SLC52A3: variants seen among roughly 807,000 people sequenced by gnomAD.
SLC52A3 encodes solute carrier family 52 member 3.
SLC52A3 carries 20 observed loss-of-function variants against 29.5 expected under a neutral mutation model. The ratio of observed to expected loss-of-function variants is 0.68; its 90% confidence interval spans 0.48 to 0.99. The LOEUF is 0.99. Ranked by LOEUF, SLC52A3 falls within the 50% of genes least tolerant of loss-of-function variation. The probability of loss-of-function intolerance (pLI) is 0.00; values close to 1 mark genes in which losing one functional copy is unlikely to be tolerated. For missense variants in SLC52A3, 548 were observed against 612.9 expected, an observed-to-expected ratio of 0.89 and a Z score of 1.12; for synonymous variants, 301 against 271.0, an observed-to-expected ratio of 1.11 and a Z score of -1.09.
chr20:764,072 G>A, intron 2 of SLC52A3, 69 bp from the exon 3 acceptor site: 2 of 1,382,806 alleles, frequency 1.4e-6, no homozygotes. Context: ...TCATGACAGT[G>A]ATAACAGAAT....
intron 1 of SLC52A3, among the ~76,000 whole-genome samples, chr20:767,572 G>T (rs13042112): frequency 0.079 from 11,971 of 152,078 alleles, 629 homozygotes; most frequent in Non-Finnish European, 0.12. Flanking sequence ...AGCCAGGATG[G>T]TCTCAATCTC....
At chr20:771,296 G>A (rs1458351650), upstream of SLC52A3, among the ~76,000 whole-genome samples, 3 of 152,078 alleles carry the variant, frequency 2.0e-5, no homozygotes, top group Admixed American at 6.6e-5. Context: ...GTATGGTGGT[G>A]GGCACCTGTA....
At chr20:766,805 T>C (rs1283801657) in intron 1 of SLC52A3, among the ~76,000 whole-genome samples, 2 of 152,150 alleles carry the variant, frequency 1.3e-5, no homozygotes, top group East Asian at 1.9e-4. Context: ...ATTCCTAATA[T>C]ATAAAGAGTT....
chr20:771,649 C>A (rs1311692754), upstream of SLC52A3, among the ~76,000 whole-genome samples: 12 of 114,478 alleles, frequency 1.0e-4, no homozygotes, highest in African/African-American at 3.2e-4. Context: ...CCCTTGGGGG[C>A]AAATGTCTTG....
rs1986758145 is a variant in SLC52A3 at position 768,465 on chromosome 20, A to G, written c.-220T>C. 1 of 152,002 alleles carries G rather than the reference A, an allele frequency of 6.6e-6. No homozygotes were observed. The highest frequency in any genetic ancestry group is 1.5e-5 in the Non-Finnish European group (1 of 67,998). The allele number at this position is 152,002 out of a possible 1,614,324, so 9.4% of individuals were successfully genotyped here. A position where few individuals can be genotyped will look rare whatever the true frequency, so the allele number is the denominator to read the frequency against. Reference sequence around the variant, plus strand: ...TCCTCAGTTCACGCTGCAGTCTTTAACTCCATACTTCTTCCTTCTAGTACA... The same window carrying G: ...TCCTCAGTTCACGCTGCAGTCTTTAGCTCCATACTTCTTCCTTCTAGTACA... On this transcript the variant is annotated 5_prime_UTR_variant, in exon 1 of 5. Transcript: ENST00000645534.
Position 763,761 on chromosome 20 carries a change from CT to C in SLC52A3, c.809del (p.Glu270GlyfsTer19). The C allele has an allele frequency of 6.2e-7, 1 of 1,614,194 alleles. No homozygotes were observed. Among genetic ancestry groups the C allele is most frequent in the Non-Finnish European group, 8.5e-7 (1 of 1,180,020 alleles). ...CCGTGCCTGCAGGGCCCAAGTCATT[CT>C]CTTCCCGCGGCCGGATGGAGTGGAG... ...VTLHSIRPRE[E>X]NDLGPAGTVD... On this transcript the variant is annotated frameshift_variant, in exon 3 of 5. Transcript: ENST00000645534. LOFTEE classifies it high-confidence loss of function.
At chr20:771,496 A>G (rs1792941828), upstream of SLC52A3, among the ~76,000 whole-genome samples, 1 of 152,192 alleles carries the variant, frequency 6.6e-6, no homozygotes, top group Admixed American at 6.6e-5. Flanking sequence ...ACATTCCAGG[A>G]TATATATTGA....
At chr20:777,274 A>AAC (rs1555785022), upstream of SLC52A3, among the ~76,000 whole-genome samples, 2 of 147,584 alleles carry the variant, frequency 1.4e-5, no homozygotes, top group African/African-American at 5.0e-5. Context: ...ACAAAAAACA[A>AAC]AAAAAAAACA....
At chr20:777,160 C>T (rs1029830889), upstream of SLC52A3, among the ~76,000 whole-genome samples, 13 of 151,806 alleles carry the variant, frequency 8.6e-5, no homozygotes, top group Non-Finnish European at 1.9e-4. Context: ...TGCTTGAGCC[C>T]GGGAGGCGGA....
chr20:765,372 T>C lies in SLC52A3; in HGVS notation c.403A>G (p.Thr135Ala), dbSNP rs527853872. The C allele has an allele frequency of 1.3e-4, 202 of 1,613,644 alleles. No homozygotes were observed. Among genetic ancestry groups the C allele is most frequent in the Non-Finnish European group, 1.6e-4 (187 of 1,179,974 alleles). The change falls in exon 2 of 5, where the codon ACC becomes GCC. Residue 135 changes from threonine (T) to alanine (A), a missense_variant. Transcript: ENST00000645534. The surrounding 1 kb of genome is among the most constrained non-coding windows in gnomAD (Gnocchi z 6.6). ...TFLPFMSRLP[T>A]YYLTTFFVGE... is the part of the protein sequence containing the mutation. Reference sequence around the variant, plus strand: ...ACAAAGAAGGTGGTGAGGTAGTAGGTGGGCAGCCGGCTCATGAACGGCAGG... The same window carrying C: ...ACAAAGAAGGTGGTGAGGTAGTAGGCGGGCAGCCGGCTCATGAACGGCAGG...
Position 761,243 on chromosome 20 carries a change from G to A in SLC52A3, c.1198-5C>T, listed in dbSNP as rs1173571337. On this transcript the variant is annotated splice_polypyrimidine_tract_variant and splice_region_variant and intron_variant, in intron 4 of 4. Transcript: ENST00000645534. Reference sequence around the variant, plus strand: ...GAAAAGCACCCACGAGGCCACCTGCGGGGCCGGGAGGGAAGAGGTGCAGAG... The same window carrying A: ...GAAAAGCACCCACGAGGCCACCTGCAGGGCCGGGAGGGAAGAGGTGCAGAG... 6.5e-7 allele frequency: 1 copy of A among 1,544,902 alleles called. No individual in the cohort carries two copies. Among genetic ancestry groups the A allele is most frequent in the Non-Finnish European group, 8.7e-7 (1 of 1,144,566 alleles).
chr20:773,183 A>G (rs1316528254), upstream of SLC52A3, among the ~76,000 whole-genome samples: 1 of 152,182 alleles, frequency 6.6e-6, no homozygotes, highest in Non-Finnish European at 1.5e-5. Context: ...AGGAAGCAGG[A>G]GTAAACCTTC....
rs192937732 is a variant in SLC52A3, at chr20:766,168, C to A, written c.-51-343G>T. ...CAGGCTGGTCTCGAACTCCTGGCCT[C>A]AGGTGATCCGCCTGCCTCGGCCTCC... On this transcript the variant is annotated intron_variant, in intron 1 of 4. Coordinates refer to ENST00000645534, the MANE Select transcript of SLC52A3 (RefSeq NM_033409.4). The A allele has an allele frequency of 6.7e-3, 1,488 of 220,654 alleles. 11 individuals carry two copies. The highest frequency in any genetic ancestry group is 0.012 in the Admixed American group (231 of 19,156). 13.7% of individuals were successfully genotyped at this position (220,654 alleles called of 1,614,324 possible).
upstream of SLC52A3, among the ~76,000 whole-genome samples, chr20:772,599 T>G (rs6054669): frequency 0.47 from 71,263 of 150,764 alleles, 17,074 homozygotes; most frequent in Admixed American, 0.56. Context: ...TTTTTTTTTT[T>G]TTGTTGTTGT....
In SLC52A3 at chr20:763,692, G is replaced by T; in HGVS notation, c.879C>A (p.Ala293=). The T allele has an allele frequency of 1.2e-6, 2 of 1,614,146 alleles. No homozygotes were observed. Among genetic ancestry groups the T allele is most frequent in the Non-Finnish European group, 1.7e-6 (2 of 1,179,996 alleles). The change falls in exon 3 of 5, where the codon GCC becomes GCA. Residue 293 remains alanine (A), a synonymous_variant. Transcript: ENST00000645534. ...AGGCCAGGTGCGCCGGGCAGCAGGG[G>T]GCTGCTTTCTCCTCTAGATACCCCT... ...QGQGYLEEKA[A]PCCPAHLAFI...
chr20:766,951 G>A (rs1986706179), intron 1 of SLC52A3, among the ~76,000 whole-genome samples: 1 of 152,076 alleles, frequency 6.6e-6, no homozygotes, highest in Non-Finnish European at 1.5e-5. Context: ...ACTACTCCAG[G>A]TGCCATTTCT....
chr20:761,755 C>T lies in SLC52A3; in HGVS notation c.1143G>A (p.Ala381=), dbSNP rs756997756. The change falls in exon 4 of 5, where the codon GCG becomes GCA. Residue 381 remains alanine, a synonymous_variant. Coordinates refer to ENST00000645534, the MANE Select transcript of SLC52A3 (RefSeq NM_033409.4). The stretch of plus-strand genomic sequence containing the variant: ...GCAAGAGGGGGCAGGGGCTCATCAC[C>T]GCCATGGCCATGTTGTAGCCCCCAA... ...TCFGGYNMAM[A]VMSPCPLLQG... 1.6e-5 allele frequency: 26 copies of T among 1,614,046 alleles called. No homozygotes were observed. The Middle Eastern group carries it at 4.9e-4, about 31-fold the overall frequency.
chr20:771,877 G>C (rs757387016), upstream of SLC52A3, among the ~76,000 whole-genome samples: 1 of 152,272 alleles, frequency 6.6e-6, no homozygotes, highest in East Asian at 1.9e-4. Flanking sequence ...AGGAGAAATG[G>C]ACAGAAGCAC....
At chr20:776,388 C>G (rs1344994385), upstream of SLC52A3, among the ~76,000 whole-genome samples, 1 of 152,210 alleles carries the variant, frequency 6.6e-6, no homozygotes, top group Non-Finnish European at 1.5e-5. Context: ...GACAGAAATC[C>G]TAACTGCCAG....
Sources: allele counts gnomAD v4.1 joint callset (sites outside exome capture counted in the v4.1 genomes callset), GRCh38; gene constraint gnomAD v4.1.1; non-coding constraint Gnocchi (gnomAD v3.1); transcripts MANE v1.5; gene names NCBI Gene and HGNC (gene_info 2026-07-23, HGNC 2026-07-21).